Variants in SYT10 observed in about 807,000 individuals in gnomAD.
SYT10 encodes synaptotagmin 10.
Under a neutral mutation model 51.1 loss-of-function variants are expected in SYT10, and 31 were observed. That is an observed-to-expected ratio of 0.61 (90% CI 0.46 to 0.82). The LOEUF is 0.82. Ranked by LOEUF, SYT10 falls within the 40% of genes least tolerant of loss-of-function variation. SYT10 has a pLI of 0.00. For synonymous variants in SYT10, 233 were observed against 225.9 expected, an observed-to-expected ratio of 1.03 and a Z score of -0.28; for missense variants, 603 against 634.0, an observed-to-expected ratio of 0.95 and a Z score of 0.53.
intron 3 of SYT10, among the ~76,000 whole-genome samples, chr12:33,389,137 G>A (rs1432359428): frequency 1.3e-5 from 2 of 152,134 alleles, no homozygotes; most frequent in African/African-American, 2.4e-5. Flanking sequence ...TGGTCAGTAC[G>A]CATTGAGAAA....
chr12:33,378,455 G>C (rs953262954), intron 6 of SYT10, among the ~76,000 whole-genome samples: 1 of 152,142 alleles, frequency 6.6e-6, no homozygotes, highest in African/African-American at 2.4e-5. Flanking sequence ...AGCCGGTAGA[G>C]GCATGCAGTT....
intron 3 of SYT10, among the ~76,000 whole-genome samples, chr12:33,401,748 C>T (rs550084301): frequency 6.8e-4 from 104 of 152,182 alleles, no homozygotes; most frequent in African/African-American, 2.5e-3. Flanking sequence ...GTACAACATC[C>T]CATTGTTTTT....
chr12:33,402,949 A>C (rs1188994958), intron 3 of SYT10, among the ~76,000 whole-genome samples: 1 of 152,118 alleles, frequency 6.6e-6, no homozygotes, highest in African/African-American at 2.4e-5. Flanking sequence ...ATTTACAACA[A>C]TATGATAATA....
chr12:33,392,921 C>T (rs1268992557), intron 3 of SYT10, among the ~76,000 whole-genome samples: 1 of 134,006 alleles, frequency 7.5e-6, no homozygotes, highest in Admixed American at 8.5e-5. Context: ...GATCCATTTT[C>T]AGTTCCCTTC....
At chr12:33,423,248 A>G (rs1866521306) in intron 2 of SYT10, among the ~76,000 whole-genome samples, 2 of 152,010 alleles carry the variant, frequency 1.3e-5, no homozygotes, top group African/African-American at 2.4e-5. Flanking sequence ...GTCCCAACAG[A>G]CTGGAGCTGG....
chr12:33,416,052 T>G (rs1866450392), intron 2 of SYT10, among the ~76,000 whole-genome samples: 1 of 138,912 alleles, frequency 7.2e-6, no homozygotes, highest in Non-Finnish European at 1.6e-5. Flanking sequence ...AGTTTCCTCT[T>G]GACCCCCATT....
Position 33,376,318 on chromosome 12 carries a change from A to G in SYT10, c.*512T>C, listed in dbSNP as rs1866061582. On this transcript the variant is annotated 3_prime_UTR_variant, in exon 7 of 7. Transcript: ENST00000228567. ...AAAGTAATTTTCTGAGAATGAAAGA[A>G]AAGTATTATCAGATAAGTAACATTA... is the stretch of plus-strand genomic sequence containing the variant. The G allele has an allele frequency of 1.3e-5, 2 of 152,312 alleles. No individual in the cohort carries two copies. Among genetic ancestry groups the G allele is most frequent in the African/African-American group, 4.8e-5 (2 of 41,460 alleles). The allele number at this position is 152,312 out of a possible 1,614,324, so 9.4% of individuals were successfully genotyped here.
Position 33,374,434 on chromosome 12 carries a change from A to G in SYT10, c.*2396T>C, listed in dbSNP as rs1439009169. ...TGAAACTGAAAATATTTCATCTTCAATTACAAGCAGAAAGATGGTAAGTTA... is the reference window on the plus strand; with the variant it reads ...TGAAACTGAAAATATTTCATCTTCAGTTACAAGCAGAAAGATGGTAAGTTA... On this transcript the variant is annotated 3_prime_UTR_variant, in exon 7 of 7. Transcript: ENST00000228567. 1.3e-5 allele frequency: 2 copies of G among 151,760 alleles called. No homozygotes were observed. The highest frequency in any genetic ancestry group is 4.8e-5 in the African/African-American group (2 of 41,376). The allele number at this position is 151,760 out of a possible 1,614,324, so 9.4% of individuals were successfully genotyped here. A position where few individuals can be genotyped will look rare whatever the true frequency, so the allele number is the denominator to read the frequency against.
Position 33,379,816 on chromosome 12 carries a change from G to A in SYT10, c.1500+16C>T. On this transcript the variant is annotated intron_variant, in intron 6 of 6. Coordinates refer to ENST00000228567, the MANE Select transcript of SYT10 (RefSeq NM_198992.4). The stretch of plus-strand genomic sequence containing the variant: ...AGACAACAAAAAGAGCAGACGTAAG[G>A]AACTCACAAGCTTACCTCCAGCAAT... 1 of 1,613,458 alleles carries A rather than the reference G, an allele frequency of 6.2e-7. No individual in the cohort carries two copies. The highest frequency in any genetic ancestry group is 8.5e-7 in the Non-Finnish European group (1 of 1,179,654).
intron 3 of SYT10, among the ~76,000 whole-genome samples, chr12:33,406,460 T>TTACCTTA (rs1866353178): frequency 6.6e-6 from 1 of 152,130 alleles, no homozygotes. Flanking sequence ...TTACCTTAAA[T>TTACCTTA]AATGAAAGTC....
At chr12:33,403,839 T>C (rs1866328420) in intron 3 of SYT10, among the ~76,000 whole-genome samples, 1 of 152,130 alleles carries the variant, frequency 6.6e-6, no homozygotes, top group Non-Finnish European at 1.5e-5. Flanking sequence ...TTTAATGATT[T>C]TTCAAAGGCT....
Position 33,426,120 on chromosome 12 carries a change from T to C in SYT10, c.509+18A>G. ...CACACGCACACACACCAGTTTTATA[T>C]ATTTAATCTTTCCTTACCGGGTTGA... On this transcript the variant is annotated intron_variant, in intron 2 of 6. Coordinates refer to ENST00000228567, the MANE Select transcript of SYT10 (RefSeq NM_198992.4). 6.4e-7 allele frequency: 1 copy of C among 1,570,760 alleles called. No homozygotes were observed. The highest frequency in any genetic ancestry group is 8.6e-7 in the Non-Finnish European group (1 of 1,162,852).
chr12:33,439,332 CAGCGGAGCGCGAGGACGCG>C (rs778195612), intron 1 of SYT10, 21 bp downstream of exon 1: 3 of 1,590,026 alleles, frequency 1.9e-6, no homozygotes, highest in Non-Finnish European at 1.7e-6. Context: ...CGCGGGGTCC[CAGCGGAGCGCGAGGACGCG>C]AGCGGAGCCC....
intron 2 of SYT10, among the ~76,000 whole-genome samples, chr12:33,421,913 G>A (rs771926246): frequency 1.0e-3 from 157 of 152,188 alleles, no homozygotes; most frequent in Middle Eastern, 3.4e-3. Context: ...GAGGCAAAGA[G>A]AGTCAGATCT....
chr12:33,417,365 T>C (rs573351472), intron 2 of SYT10, among the ~76,000 whole-genome samples: 1 of 152,290 alleles, frequency 6.6e-6, no homozygotes, highest in Admixed American at 6.5e-5. Flanking sequence ...CATATTAGCA[T>C]ACTCTGCCCC....
intron 1 of SYT10, 145 bp downstream of exon 1, chr12:33,439,227 A>G: frequency 9.4e-7 from 1 of 1,066,470 alleles, no homozygotes; most frequent in Non-Finnish European, 1.3e-6. Flanking sequence ...TCAGGAGCTG[A>G]GCGAAGGAAG....
chr12:33,377,629 C>CTTTTCT (rs1866074863), intron 6 of SYT10, among the ~76,000 whole-genome samples: 2 of 114,008 alleles, frequency 1.8e-5, no homozygotes, highest in African/African-American at 7.8e-5. Flanking sequence ...TTTTCTTTTT[C>CTTTTCT]TTTTTTTTTT....
chr12:33,430,939 A>T (rs1452445370), intron 1 of SYT10, among the ~76,000 whole-genome samples: 1 of 152,196 alleles, frequency 6.6e-6, no homozygotes, highest in East Asian at 1.9e-4. Flanking sequence ...AAGGGACCAA[A>T]TTAATAGTGA....
In SYT10 at chr12:33,407,236, C is replaced by T; in HGVS notation, c.630G>A (p.Lys210=). The T allele has an allele frequency of 1.2e-6, 2 of 1,614,126 alleles. No individual in the cohort carries two copies. Among genetic ancestry groups the T allele is most frequent in the Non-Finnish European group, 1.7e-6 (2 of 1,180,042 alleles). ...GETTTSIGRI[K]PELYKQKSVD... is the part of the protein sequence containing the mutation. The stretch of plus-strand genomic sequence containing the variant: ...CTGATTTCTGTTTGTAGAGTTCTGG[C>T]TTTATCCTCCCAATGCTGGTTGTTG... The change falls in exon 3 of 7, where the codon AAG becomes AAA. Residue 210 remains lysine (K), a synonymous_variant. Coordinates refer to ENST00000228567, the MANE Select transcript of SYT10 (RefSeq NM_198992.4).
Sources: gnomAD v4.1 joint callset for allele counts (sites outside exome capture counted in the v4.1 genomes callset) on GRCh38, gnomAD v4.1.1 for gene constraint, MANE v1.5 for transcripts, NCBI Gene and HGNC (gene_info 2026-07-23, HGNC 2026-07-21) for gene names.